The following KANK1 variants were observed in gnomAD, a reference collection of about 807,000 sequenced individuals.
The protein encoded by KANK1 is KN motif and ankyrin repeat domain-containing protein 1.
Under a neutral mutation model 106.2 loss-of-function variants are expected in KANK1, and 109 were observed. The ratio of observed to expected loss-of-function variants is 1.03; its 90% CI spans 0.88 to 1.20. The LOEUF (loss-of-function observed/expected upper bound fraction) is 1.20, where lower values mean the gene tolerates loss of function less well. Ranked by LOEUF, KANK1 falls within the 50% of genes most tolerant of loss-of-function variation. The probability of loss-of-function intolerance (pLI) is 0.00; values close to 1 mark genes in which losing one functional copy is unlikely to be tolerated. For synonymous variants in KANK1, 873 were observed against 652.2 expected, an observed-to-expected ratio of 1.34 and a Z score of -5.16; for missense variants, 2,399 against 1,710.7, an observed-to-expected ratio of 1.40 and a Z score of -7.10.
chr9:529,234 T>TATATATAC (rs1554613765), intron 1 of KANK1, among the ~76,000 whole-genome samples: 1 of 148,704 alleles, frequency 6.7e-6, no homozygotes, highest in African/African-American at 2.5e-5. Context: ...TATATATATA[T>TATATATAC]ACACACACAC....
chr9:558,176 A>G (rs1563766431), intron 1 of KANK1, among the ~76,000 whole-genome samples: 1 of 152,236 alleles, frequency 6.6e-6, no homozygotes, highest in African/African-American at 2.4e-5. Flanking sequence ...GGAGGAGCAT[A>G]GCAAAGAAGT....
chr9:577,011 C>G (rs921538203), intron 1 of KANK1, among the ~76,000 whole-genome samples: 1 of 152,182 alleles, frequency 6.6e-6, no homozygotes, highest in African/African-American at 2.4e-5. Flanking sequence ...TCCTTAGTTT[C>G]TTCCTTCCAG....
At chr9:574,338 T>C (rs1203100679) in intron 1 of KANK1, among the ~76,000 whole-genome samples, 1 of 152,172 alleles carries the variant, frequency 6.6e-6, no homozygotes, top group Non-Finnish European at 1.5e-5. Flanking sequence ...TGGCATATTT[T>C]AATGCTTGAC....
At chr9:515,728 A>T (rs1449671315) in intron 1 of KANK1, among the ~76,000 whole-genome samples, 1 of 151,820 alleles carries the variant, frequency 6.6e-6, no homozygotes, top group Non-Finnish European at 1.5e-5. Flanking sequence ...AAAACTTGAG[A>T]TCCTGATGCA....
At chr9:487,194 ATGGTTTGGC>A (rs2058308263) in intron 3 of KANK1, among the ~76,000 whole-genome samples, 1 of 152,200 alleles carries the variant, frequency 6.6e-6, no homozygotes, top group South Asian at 2.1e-4. Flanking sequence ...CCAACTTACA[ATGGTTTGGC>A]TTATGGTTTT....
rs551578252 is a variant in KANK1, at chr9:625,517, C to T, written c.-83-51373C>T. ...ATCTACAGGAAACTTCTGGGTTGGG[C>T]CTTCTCATAGTTATCCGTTGTTAAA... On this transcript the variant is annotated intron_variant, in intron 1 of 11. Transcript: ENST00000382297. Among the ~76,000 whole-genome samples, 15 of 152,082 alleles carry T rather than the reference C, an allele frequency of 9.9e-5. No homozygotes were observed. The South Asian group carries it at 2.3e-3, about 23-fold the overall frequency.
chr9:744,551 C>G lies in KANK1; in HGVS notation c.3958C>G (p.Leu1320Val). 1 of 1,614,168 alleles carries G rather than the reference C, an allele frequency of 6.2e-7. No individual in the cohort carries two copies. Among genetic ancestry groups the G allele is most frequent in the East Asian group, 2.2e-5 (1 of 44,880 alleles). The change falls in exon 11 of 12, where the codon CTG (leucine) becomes GTG (valine). Residue 1320 changes from leucine to valine, a missense_variant. Leu to Val is a conservative substitution (Grantham distance 32). Transcript: ENST00000382297. ...EAGHKDIAVL[L>V]YAHVNFAKAQ... Reference sequence around the variant, plus strand: ...AGGACACAAGGACATCGCTGTTCTTCTGTATGCCCATGTCAACTTTGCAAA... The same window carrying G: ...AGGACACAAGGACATCGCTGTTCTTGTGTATGCCCATGTCAACTTTGCAAA...
rs200381695 is a variant in KANK1 at position 730,168 on chromosome 9, G to A, written c.2816G>A (p.Ser939Asn). Residue 939 changes from serine (S) to asparagine (N), a missense_variant, in exon 4 of 12, where the codon AGC becomes AAC. Transcript: ENST00000382297. ...VGTSEGKPIS[S>N]LDAFPTQEGT... ...ACCTCAGAAGGAAAGCCAATCAGCA[G>A]CCTGGATGCCTTCCCCACTCAGGAA... is the stretch of plus-strand genomic sequence containing the variant. The A allele has an allele frequency of 1.2e-6, 2 of 1,614,212 alleles. No individual in the cohort carries two copies. Among genetic ancestry groups the A allele is most frequent in the East Asian group, 2.2e-5 (1 of 44,884 alleles).
At chr9:618,388 A>G (rs1588297173) in intron 1 of KANK1, among the ~76,000 whole-genome samples, 1 of 152,014 alleles carries the variant, frequency 6.6e-6, no homozygotes, top group South Asian at 2.1e-4. Context: ...TTGTATTTTT[A>G]CTAGAGACAG....
intron 1 of KANK1, among the ~76,000 whole-genome samples, chr9:591,727 G>T (rs971369354): frequency 5.3e-5 from 8 of 151,674 alleles, no homozygotes; most frequent in Admixed American, 3.3e-4. Flanking sequence ...TGCGATCTTG[G>T]CTCACTCTGC....
intron 3 of KANK1, among the ~76,000 whole-genome samples, chr9:474,402 CATAAGT>C (rs1043171648): frequency 3.3e-5 from 5 of 152,144 alleles, no homozygotes; most frequent in Non-Finnish European, 5.9e-5. Context: ...TGATTAATTG[CATAAGT>C]ATGTTTCTCA....
intron 2 of KANK1, among the ~76,000 whole-genome samples, chr9:687,314 A>C (rs965874120): frequency 1.3e-4 from 20 of 152,074 alleles, no homozygotes; most frequent in Non-Finnish European, 2.6e-4. Flanking sequence ...AAGATTAAGG[A>C]TCATTGAGCT....
rs777685449 is a variant in KANK1 at position 713,501 on chromosome 9, A to T, written c.2698+37A>T. The T allele has an allele frequency of 2.6e-5, 39 of 1,514,010 alleles. No homozygotes were observed. The South Asian group carries it at 4.9e-4, about 19-fold the overall frequency. The allele number at this position is 1,514,010 out of a possible 1,614,324, so 93.8% of individuals were successfully genotyped here. A position where few individuals can be genotyped will look rare whatever the true frequency, so the allele number is the denominator to read the frequency against. ...CCTGAGGACCTGGGAATGAGGAAGGATGGGGGAAAATGTCTTTCCAGAAGC... is the reference window on the plus strand; with the variant it reads ...CCTGAGGACCTGGGAATGAGGAAGGTTGGGGGAAAATGTCTTTCCAGAAGC... On this transcript the variant is annotated intron_variant, in intron 3 of 11. Coordinates refer to ENST00000382297, the MANE Select transcript of KANK1 (RefSeq NM_015158.5).
At position 519,391 on chromosome 9, in the gene KANK1, T is replaced by C. The variant is rs983935807; in HGVS notation, c.-84+14637T>C. On this transcript the variant is annotated intron_variant, in intron 1 of 11. Coordinates refer to ENST00000382297, the MANE Select transcript of KANK1 (RefSeq NM_015158.5). ...TTTCCTTCAGAAATTAAGTTTTTAA[T>C]TCTTGTATATTTTCATAGGAGTAGC... Among the ~76,000 whole-genome samples the C allele has an allele frequency of 2.4e-4, 37 of 151,784 alleles. 2 individuals carry two copies. Among genetic ancestry groups the C allele is most frequent in the African/African-American group, 8.3e-4 (34 of 41,054 alleles).
chr9:479,640 A>G lies in KANK1; in HGVS notation c.-362+6367A>G, dbSNP rs567624555. Among the ~76,000 whole-genome samples the G allele has an allele frequency of 8.5e-4, 129 of 152,352 alleles. 1 individual carries two copies. The highest frequency in any genetic ancestry group is 3.0e-3 in the African/African-American group (125 of 41,570). ...GCAAGGGACAAAACTTTTCAAAAAT[A>G]TGTAAGAATAGTCACATAGGATAAG... On this transcript the variant is annotated intron_variant, in intron 3 of 15. Transcript: ENST00000382303.
chr9:634,724 C>G, intron 1 of KANK1, among the ~76,000 whole-genome samples: 1 of 152,176 alleles, frequency 6.6e-6, no homozygotes, highest in East Asian at 1.9e-4. Flanking sequence ...TTAGCCCATG[C>G]CCAGGAATGA....
chr9:581,363 G>T (rs1013640462), intron 1 of KANK1, among the ~76,000 whole-genome samples: 5 of 152,208 alleles, frequency 3.3e-5, no homozygotes, highest in African/African-American at 1.2e-4. Flanking sequence ...AAGTGAGACT[G>T]GAAATTCTTT....
At chr9:556,901 C>A (rs76564735) in intron 1 of KANK1, among the ~76,000 whole-genome samples, 10 of 152,228 alleles carry the variant, frequency 6.6e-5, no homozygotes, top group African/African-American at 2.2e-4. Context: ...AGTATGGGGA[C>A]TTTGGACTCC....
At chr9:488,545 A>G (rs868124948) in intron 3 of KANK1, among the ~76,000 whole-genome samples, 12 of 152,224 alleles carry the variant, frequency 7.9e-5, no homozygotes, top group African/African-American at 2.9e-4. Context: ...GAACACATCA[A>G]CTAATCTCAA....
Sources: gnomAD v4.1 joint callset for allele counts (sites outside exome capture counted in the v4.1 genomes callset) on GRCh38, gnomAD v4.1.1 for gene constraint, MANE v1.5 for transcripts, NCBI Gene and HGNC (gene_info 2026-07-23, HGNC 2026-07-21) for gene names.